Variants in CCDC179 observed in about 807,000 individuals in gnomAD.
CCDC179 encodes coiled-coil domain containing 179, also known as coiled-coil domain-containing protein 179.
CCDC179 carries 17 observed loss-of-function variants against 12.0 expected under a neutral mutation model. That is an observed-to-expected ratio of 1.42 (90% CI 0.97 to 2.13). The LOEUF is 2.13. Ranked by LOEUF, CCDC179 falls within the 30% of genes most tolerant of loss-of-function variation. The probability of loss-of-function intolerance (pLI) is 0.00; values close to 1 mark genes in which losing one functional copy is unlikely to be tolerated. For synonymous variants in CCDC179, 27 were observed against 26.4 expected (o/e 1.02, Z -0.07); for missense variants, 83 against 78.6 (o/e 1.06, Z -0.21).
chr11:22,848,695 T>C (rs959152222), intron 3 of CCDC179, among the ~76,000 whole-genome samples: 16 of 152,286 alleles, frequency 1.1e-4, no homozygotes, highest in African/African-American at 3.9e-4. Flanking sequence ...GAAGAGGGCA[T>C]TAGTAGGGAT....
intron 3 of CCDC179, among the ~76,000 whole-genome samples, chr11:22,851,900 C>G (rs542656856): frequency 6.6e-6 from 1 of 152,290 alleles, no homozygotes; most frequent in South Asian, 2.1e-4. Flanking sequence ...CTAGATCTCA[C>G]TGTAAGGATC....
At chr11:22,854,507 C>A (rs1039299343) in intron 3 of CCDC179, among the ~76,000 whole-genome samples, 3 of 151,404 alleles carry the variant, frequency 2.0e-5, no homozygotes, top group African/African-American at 7.3e-5. Context: ...TGAACTTGAA[C>A]AAATTATAAA....
chr11:22,854,308 GTCTTAT>G (rs1837626795), intron 3 of CCDC179, among the ~76,000 whole-genome samples: 1 of 151,794 alleles, frequency 6.6e-6, no homozygotes, highest in African/African-American at 2.4e-5. Context: ...TATTTTATCT[GTCTTAT>G]TCTTAACTGA....
intron 2 of CCDC179, 48 bp downstream of exon 2, chr11:22,859,404 A>G (rs1858609452): frequency 7.6e-7 from 1 of 1,315,468 alleles, no homozygotes; most frequent in Non-Finnish European, 1.0e-6. Context: ...ACAAGTTACA[A>G]GCACAATGTT....
chr11:22,857,826 G>T, intron 3 of CCDC179, 96 bp downstream of exon 3: 2 of 595,986 alleles, frequency 3.4e-6, no homozygotes, highest in Non-Finnish European at 2.6e-6. Context: ...AAGAGAAAGG[G>T]AAAAAGAAAA....
intron 3 of CCDC179, among the ~76,000 whole-genome samples, chr11:22,857,229 A>G (rs1302720256): frequency 6.6e-6 from 1 of 151,712 alleles, no homozygotes; most frequent in African/African-American, 2.4e-5. Flanking sequence ...TTGAGGGAAA[A>G]GAACAGAAGA....
chr11:22,849,834 A>G (rs1172995806), intron 3 of CCDC179, among the ~76,000 whole-genome samples: 2 of 152,150 alleles, frequency 1.3e-5, no homozygotes, highest in Non-Finnish European at 2.9e-5. Flanking sequence ...ACGGACACAC[A>G]TGAGGAATTT....
chr11:22,853,702 GAGGAAGAAGA>G (rs1395312050), intron 3 of CCDC179, among the ~76,000 whole-genome samples: 6 of 151,566 alleles, frequency 4.0e-5, no homozygotes, highest in Non-Finnish European at 1.5e-5. Context: ...TGAAGAGGAA[GAGGAAGAAGA>G]AGAAAGAAGA....
intron 3 of CCDC179, among the ~76,000 whole-genome samples, chr11:22,850,976 A>ATTTTTTTTT (rs1164245496): frequency 3.3e-4 from 2 of 6,122 alleles, no homozygotes; most frequent in Non-Finnish European, 8.7e-4. Context: ...ATATATATAT[A>ATTTTTTTTT]TTTTTTTTTT....
chr11:22,850,073 T>C (rs1319616923), intron 3 of CCDC179, among the ~76,000 whole-genome samples: 2 of 152,198 alleles, frequency 1.3e-5, no homozygotes, highest in African/African-American at 4.8e-5. Flanking sequence ...AATCTTCTTA[T>C]GCAGATGAAC....
intron 3 of CCDC179, among the ~76,000 whole-genome samples, chr11:22,850,301 T>G (rs894349771): frequency 6.6e-6 from 1 of 152,242 alleles, no homozygotes; most frequent in African/African-American, 2.4e-5. Flanking sequence ...ACCCTTACTA[T>G]CTGCCTAAGT....
At chr11:22,857,077 A>G (rs1262654653) in intron 3 of CCDC179, among the ~76,000 whole-genome samples, 3 of 151,710 alleles carry the variant, frequency 2.0e-5, no homozygotes, top group African/African-American at 7.2e-5. Context: ...CAATATTGTT[A>G]AGATATCAGT....
At chr11:22,859,739 C>T (rs769015787) in intron 1 of CCDC179, among the ~76,000 whole-genome samples, 2 of 152,158 alleles carry the variant, frequency 1.3e-5, no homozygotes, top group Non-Finnish European at 2.9e-5. Context: ...CAGCTGTGAA[C>T]CACCTTACAG....
chr11:22,847,959 T>G (rs1248209813), intron 3 of CCDC179, among the ~76,000 whole-genome samples: 1 of 152,146 alleles, frequency 6.6e-6, no homozygotes, highest in African/African-American at 2.4e-5. Flanking sequence ...ATTTTAGGCA[T>G]CTGTTGAGTG....
chr11:22,858,119 A>T lies in CCDC179; in HGVS notation c.91-93T>A, dbSNP rs1858569626. Reference sequence around the variant, plus strand: ...ACATTTTTGGTTTGTGTCAATAAAAAAGGTAAACACCACCACTGCAAACGG... The same window carrying T: ...ACATTTTTGGTTTGTGTCAATAAAATAGGTAAACACCACCACTGCAAACGG... On this transcript the variant is annotated intron_variant, in intron 2 of 3. Transcript: ENST00000532798. 8.6e-6 allele frequency: 6 copies of T among 695,002 alleles called. No individual in the cohort carries two copies. In the South Asian group the frequency reaches 1.4e-4, roughly 17 times the overall value. 43.1% of individuals were successfully genotyped at this position (695,002 alleles called of 1,614,324 possible).
chr11:22,851,197 T>C (rs1345811143), intron 3 of CCDC179, among the ~76,000 whole-genome samples: 4 of 151,450 alleles, frequency 2.6e-5, no homozygotes, highest in South Asian at 2.1e-4. Flanking sequence ...TGTTGATAGT[T>C]AAGGCAAAAC....
chr11:22,850,898 A>G (rs1431205903), intron 3 of CCDC179, among the ~76,000 whole-genome samples: 2 of 139,560 alleles, frequency 1.4e-5, no homozygotes, highest in African/African-American at 5.3e-5. Context: ...GATACGTTAT[A>G]CTAAGAGATA....
In CCDC179 at chr11:22,857,934, T is replaced by A. The variant is rs1858565376; in HGVS notation, c.183A>T (p.Glu61Asp). Residue 61 changes from glutamate (E) to aspartate (D), a missense_variant, in exon 3 of 4, where the codon GAA becomes GAT. Physicochemically the swap from Glu to Asp is conservative, Grantham distance 45. Coordinates refer to ENST00000532798, the MANE Select transcript of CCDC179 (RefSeq NM_001195637.2). ...CCTCTATACTTACTAGGAGTCCTGG[T>A]TCTGGAATAGGAGAAGGCCTTGAAA... ...KRFSRPSPIPEPGLLWSS is the reference protein window; with the variant it reads ...KRFSRPSPIPDPGLLWSS 1 of 1,512,014 alleles carries A rather than the reference T, an allele frequency of 6.6e-7. No homozygotes were observed. Among genetic ancestry groups the A allele is most frequent in the African/African-American group, 1.4e-5 (1 of 71,936 alleles). 93.7% of individuals were successfully genotyped at this position (1,512,014 alleles called of 1,614,324 possible).
chr11:22,853,216 TA>T (rs1256453872), intron 3 of CCDC179, among the ~76,000 whole-genome samples: 3 of 152,100 alleles, frequency 2.0e-5, no homozygotes, highest in Non-Finnish European at 4.4e-5. Context: ...CAGCTTTCAA[TA>T]AAGAACTACA....
Sources: allele counts gnomAD v4.1 joint callset (sites outside exome capture counted in the v4.1 genomes callset), GRCh38; gene constraint gnomAD v4.1.1; transcripts MANE v1.5; gene names NCBI Gene and HGNC (gene_info 2026-07-23, HGNC 2026-07-21).